The following CHCHD3 variants were observed in gnomAD, a reference collection of about 807,000 sequenced individuals.
The protein encoded by CHCHD3 is MICOS complex subunit MIC19.
CHCHD3 carries 20 observed loss-of-function variants against 38.2 expected under a neutral mutation model. That is an observed-to-expected ratio of 0.52 (90% confidence interval 0.37 to 0.76). CHCHD3 has a LOEUF of 0.76. Among genes scored for constraint, CHCHD3 ranks in the 30% least tolerant of loss-of-function variants. CHCHD3 has a pLI of 0.00. For missense variants in CHCHD3, 245 were observed against 279.2 expected, an observed-to-expected ratio of 0.88 and a Z score of 0.87; for synonymous variants, 82 against 100.0, an observed-to-expected ratio of 0.82 and a Z score of 1.07.
chr7:132,807,613 A>G (rs1221450285), intron 6 of CHCHD3, among the ~76,000 whole-genome samples: 4 of 31,524 alleles, frequency 1.3e-4, no homozygotes, highest in Non-Finnish European at 2.0e-4. Flanking sequence ...ATAAATATAT[A>G]TATATATATA....
intron 4 of CHCHD3, among the ~76,000 whole-genome samples, chr7:132,907,870 T>G (rs1446271842): frequency 6.6e-6 from 1 of 152,046 alleles, no homozygotes; most frequent in African/African-American, 2.4e-5. Context: ...TCTAAATATC[T>G]TCTAAAGGAA....
intron 2 of CHCHD3, among the ~76,000 whole-genome samples, chr7:133,043,545 CT>C (rs1364209860): frequency 6.6e-6 from 1 of 151,620 alleles, no homozygotes; most frequent in Non-Finnish European, 1.5e-5. Context: ...ACTCGGGAGG[CT>C]GAGGCAGGAG....
intron 3 of CHCHD3, among the ~76,000 whole-genome samples, chr7:133,001,561 C>T (rs1042719665): frequency 1.3e-5 from 2 of 152,044 alleles, no homozygotes; most frequent in African/African-American, 4.8e-5. Flanking sequence ...GAAAAAAAGT[C>T]TTCTTATTTC....
intron 7 of CHCHD3, among the ~76,000 whole-genome samples, chr7:132,796,047 C>T (rs1293395464): frequency 6.6e-6 from 1 of 151,950 alleles, no homozygotes; most frequent in Admixed American, 6.6e-5. Context: ...TAACCTGGCC[C>T]TCTGCCTACC....
intron 5 of CHCHD3, among the ~76,000 whole-genome samples, chr7:132,856,868 G>T (rs771842689): frequency 8.6e-4 from 131 of 152,194 alleles, no homozygotes; most frequent in Non-Finnish European, 1.7e-3. Context: ...GAAACATTCT[G>T]CTGCATTTCC....
At chr7:132,968,680 C>T (rs1472177055) in intron 4 of CHCHD3, among the ~76,000 whole-genome samples, 2 of 152,082 alleles carry the variant, frequency 1.3e-5, no homozygotes, top group Admixed American at 6.6e-5. Flanking sequence ...TAAAAGAACC[C>T]GGGAAACCAC....
intron 2 of CHCHD3, among the ~76,000 whole-genome samples, chr7:133,038,755 T>C (rs1025984594): frequency 1.3e-5 from 2 of 152,208 alleles, no homozygotes; most frequent in Admixed American, 6.5e-5. Context: ...CAAAGTTCTA[T>C]AGAGATCCAC....
chr7:132,853,855 T>C (rs1808280406), intron 5 of CHCHD3, among the ~76,000 whole-genome samples: 1 of 152,134 alleles, frequency 6.6e-6, no homozygotes, highest in Admixed American at 6.5e-5. Context: ...AAAATACCAT[T>C]CTTTCAAGTC....
chr7:132,942,978 GAA>G (rs1810805438), intron 4 of CHCHD3, among the ~76,000 whole-genome samples: 1 of 152,050 alleles, frequency 6.6e-6, no homozygotes, highest in Non-Finnish European at 1.5e-5. Flanking sequence ...CAAACAGAGA[GAA>G]AGGAACCCAA....
At chr7:132,883,430 A>C (rs1159329320) in intron 5 of CHCHD3, among the ~76,000 whole-genome samples, 1 of 152,222 alleles carries the variant, frequency 6.6e-6, no homozygotes. Context: ...CCAGGTCAGA[A>C]ATTTGAATCC....
intron 4 of CHCHD3, among the ~76,000 whole-genome samples, chr7:132,955,346 G>A (rs563012769): frequency 1.3e-5 from 2 of 152,154 alleles, no homozygotes; most frequent in African/African-American, 4.8e-5. Context: ...TGCATATTAC[G>A]AACATGATTG....
chr7:132,970,878 A>G (rs1463231626), intron 4 of CHCHD3, among the ~76,000 whole-genome samples: 3 of 152,184 alleles, frequency 2.0e-5, no homozygotes, highest in African/African-American at 7.2e-5. Flanking sequence ...TGGGAGACCA[A>G]GGCAGAAGGA....
At chr7:133,054,475 T>C (rs1465869585) in intron 2 of CHCHD3, among the ~76,000 whole-genome samples, 1 of 152,198 alleles carries the variant, frequency 6.6e-6, no homozygotes. Flanking sequence ...CAAGTCCCTA[T>C]GTATATACGG....
At chr7:132,818,564 T>C (rs150951475) in intron 6 of CHCHD3, among the ~76,000 whole-genome samples, 155 of 152,312 alleles carry the variant, frequency 1.0e-3, no homozygotes, top group Non-Finnish European at 1.9e-3. Context: ...GAAGAAAACT[T>C]GTTATGAAGT....
chr7:133,002,959 G>A (rs1236323396), intron 3 of CHCHD3, among the ~76,000 whole-genome samples: 1 of 152,152 alleles, frequency 6.6e-6, no homozygotes, highest in Non-Finnish European at 1.5e-5. Context: ...GAAATGAAAT[G>A]CCCAAGTTAT....
In CHCHD3 at chr7:133,033,821, C is replaced by T. The variant is rs148437415; in HGVS notation, c.170-9194G>A. On this transcript the variant is annotated intron_variant, in intron 2 of 7. Coordinates refer to ENST00000262570, the MANE Select transcript of CHCHD3 (RefSeq NM_017812.4). Reference sequence around the variant, plus strand: ...ATTTTCCTTAGGGTAATCAAAATTACTCTCTGCTAATCATCACATTGTCTA... The same window carrying T: ...ATTTTCCTTAGGGTAATCAAAATTATTCTCTGCTAATCATCACATTGTCTA... Among the ~76,000 whole-genome samples the T allele has an allele frequency of 3.2e-4, 49 of 152,252 alleles. No homozygotes were observed. The East Asian group carries it at 7.9e-3, about 25-fold the overall frequency.
chr7:132,924,052 G>A (rs1810319276), intron 4 of CHCHD3, among the ~76,000 whole-genome samples: 1 of 152,108 alleles, frequency 6.6e-6, no homozygotes, highest in African/African-American at 2.4e-5. Flanking sequence ...AAATCTTGGA[G>A]TAGCCATTCA....
chr7:132,922,935 C>T (rs1242857167), intron 4 of CHCHD3, among the ~76,000 whole-genome samples: 1 of 152,172 alleles, frequency 6.6e-6, no homozygotes, highest in African/African-American at 2.4e-5. Flanking sequence ...CATGATTGTG[C>T]TGAGCATTAA....
intron 5 of CHCHD3, among the ~76,000 whole-genome samples, chr7:132,883,747 C>T (rs2117172197): frequency 6.6e-6 from 1 of 152,190 alleles, no homozygotes; most frequent in Admixed American, 6.5e-5. Context: ...ACTATCCAGC[C>T]CTTTACAGGA....
Sources: gnomAD v4.1 joint callset for allele counts (sites outside exome capture counted in the v4.1 genomes callset) on GRCh38, gnomAD v4.1.1 for gene constraint, MANE v1.5 for transcripts, NCBI Gene and HGNC (gene_info 2026-07-23, HGNC 2026-07-21) for gene names.